Variants in ACSS3 observed in about 807,000 individuals in gnomAD.
ACSS3 encodes acyl-CoA synthetase short-chain family member 3, mitochondrial.
ACSS3 carries 64 observed loss-of-function variants against 84.2 expected under a neutral mutation model. That is an observed-to-expected ratio of 0.76 (90% CI 0.62 to 0.94). The LOEUF is 0.94. ACSS3 is among the 40% of genes least tolerant of loss of function. The probability of loss-of-function intolerance (pLI) is 0.00; values close to 1 mark genes in which losing one functional copy is unlikely to be tolerated. For synonymous variants in ACSS3, 317 were observed against 310.1 expected, an observed-to-expected ratio of 1.02 and a Z score of -0.23; for missense variants, 815 against 867.6, an observed-to-expected ratio of 0.94 and a Z score of 0.76.
intron 8 of ACSS3, among the ~76,000 whole-genome samples, chr12:81,193,594 A>C (rs1440484868): frequency 1.3e-5 from 2 of 151,524 alleles, no homozygotes; most frequent in Non-Finnish European, 3.0e-5. Flanking sequence ...TATTTTGTTT[A>C]GTTTATAGTA....
At chr12:81,211,662 T>A (rs1288426764) in intron 9 of ACSS3, among the ~76,000 whole-genome samples, 1 of 152,138 alleles carries the variant, frequency 6.6e-6, no homozygotes. Context: ...CTACTACACA[T>A]CTCTCTTGCA....
At chr12:81,109,097 A>G (rs1407237544) in intron 1 of ACSS3, among the ~76,000 whole-genome samples, 1 of 152,204 alleles carries the variant, frequency 6.6e-6, no homozygotes, top group South Asian at 2.1e-4. Flanking sequence ...AATAAAAAAT[A>G]CTTATAGCTC....
At chr12:81,152,160 C>G in intron 7 of ACSS3, 64 bp downstream of exon 7, 1 of 1,397,662 alleles carries the variant, frequency 7.2e-7, no homozygotes, top group Non-Finnish European at 9.9e-7. Flanking sequence ...TTTCATGAAG[C>G]AGTCCTGAGT....
Position 81,259,388 on chromosome 12 carries a change from G to A in ACSS3, c.*4466G>A. 1.6e-6 allele frequency: 1 copy of A among 630,054 alleles called. No individual in the cohort carries two copies. Among genetic ancestry groups the A allele is most frequent in the Non-Finnish European group, 2.9e-6 (1 of 345,022 alleles). The allele number at this position is 630,054 out of a possible 1,614,324, so 39.0% of individuals were successfully genotyped here. ...TGCCTAGTATATTACAATAAAACAT[G>A]AAAAACAACTGGCTTCATTTCATAA... On this transcript the variant is annotated 3_prime_UTR_variant, in exon 16 of 16. Transcript: ENST00000548058.
At chr12:81,127,290 C>G (rs79577888) in intron 2 of ACSS3, among the ~76,000 whole-genome samples, 1 of 151,782 alleles carries the variant, frequency 6.6e-6, no homozygotes, top group Non-Finnish European at 1.5e-5. Context: ...CTGAAAAATT[C>G]TCTTCCAAAA....
rs552037717 is a variant in ACSS3, at chr12:81,244,566, C to CT, written c.1720-8735dup. On this transcript the variant is annotated intron_variant, in intron 13 of 15. Coordinates refer to ENST00000548058, the MANE Select transcript of ACSS3 (RefSeq NM_024560.4). ...TTCTGTTTGGAGATTTCTTTTCCAT[C>CT]TTTTTTCTCTTTGATTTTTGGTTTT... Among the ~76,000 whole-genome samples, 10 of 152,072 alleles carry CT rather than the reference C, an allele frequency of 6.6e-5. No individual in the cohort carries two copies. In the East Asian group the frequency reaches 1.9e-3, roughly 29 times the overall value.
chr12:81,157,567 G>T lies in ACSS3; in HGVS notation c.1098+5471G>T, dbSNP rs547779572. Reference sequence around the variant, plus strand: ...CTCACGCCTGTAATCCCAGCACTTTGGGAGGTCAAGGCGGGCAGATCATGA... The same window carrying T: ...CTCACGCCTGTAATCCCAGCACTTTTGGAGGTCAAGGCGGGCAGATCATGA... On this transcript the variant is annotated intron_variant, in intron 7 of 15. Transcript: ENST00000548058. 2.6e-5 allele frequency among the ~76,000 whole-genome samples: 4 copies of T among 152,266 alleles called. No individual in the cohort carries two copies. The East Asian group carries it at 7.7e-4, about 29-fold the overall frequency.
chr12:81,196,777 A>T (rs1465403531), intron 8 of ACSS3, among the ~76,000 whole-genome samples: 1 of 152,054 alleles, frequency 6.6e-6, no homozygotes, highest in Non-Finnish European at 1.5e-5. Flanking sequence ...AGAGGAAGCA[A>T]GAGGGAGGAG....
intron 2 of ACSS3, among the ~76,000 whole-genome samples, chr12:81,128,402 T>C (rs751874026): frequency 1.3e-5 from 2 of 152,164 alleles, no homozygotes; most frequent in African/African-American, 2.4e-5. Flanking sequence ...TCTAAATAAA[T>C]ACATTTTTTC....
chr12:81,161,876 T>G (rs1387946513), intron 7 of ACSS3, among the ~76,000 whole-genome samples: 2 of 152,134 alleles, frequency 1.3e-5, no homozygotes, highest in African/African-American at 4.8e-5. Flanking sequence ...GTTGGGCAGC[T>G]CCAGGAGCCA....
At chr12:81,152,169 G>C in intron 7 of ACSS3, 73 bp downstream of exon 7, 2 of 1,297,934 alleles carry the variant, frequency 1.5e-6, no homozygotes. Flanking sequence ...GCAGTCCTGA[G>C]TAGGATCAGA....
At chr12:81,153,048 T>TAA (rs11459841) in intron 7 of ACSS3, among the ~76,000 whole-genome samples, 4 of 151,774 alleles carry the variant, frequency 2.6e-5, no homozygotes, top group South Asian at 2.1e-4. Flanking sequence ...ATTGAGATGA[T>TAA]AAAAAAAATC....
At chr12:81,169,799 C>CA (rs1356609743) in intron 7 of ACSS3, among the ~76,000 whole-genome samples, 4 of 152,080 alleles carry the variant, frequency 2.6e-5, no homozygotes, top group South Asian at 4.1e-4. Context: ...AGAAATTCAA[C>CA]AAATGCTATT....
At chr12:81,228,524 T>C (rs887592000) in intron 11 of ACSS3, among the ~76,000 whole-genome samples, 2 of 151,826 alleles carry the variant, frequency 1.3e-5, no homozygotes, top group Non-Finnish European at 2.9e-5. Context: ...ATTATAAGAA[T>C]ATATTCTCTC....
At chr12:81,216,054 G>A (rs118064952) in intron 9 of ACSS3, among the ~76,000 whole-genome samples, 2,299 of 152,138 alleles carry the variant, frequency 0.015, 31 homozygotes, top group Non-Finnish European at 0.017. Context: ...GCCAAATTTA[G>A]CTTTAAATGC....
rs759802379 is a variant in ACSS3 at position 81,216,995 on chromosome 12, T to C, written c.1449T>C (p.Asn483=). The C allele has an allele frequency of 3.7e-6, 6 of 1,605,238 alleles. No individual in the cohort carries two copies. The Admixed American group carries it at 6.7e-5, about 18-fold the overall frequency. Residue 483 remains asparagine, a splice_region_variant and synonymous_variant, in exon 10 of 16, where the codon AAT becomes AAC. Transcript: ENST00000548058. ...GQAGKSVPGY[N]VMILDDNMQK... Reference sequence around the variant, plus strand: ...CAGGAAAAAGCGTCCCAGGATACAATGGTAAGGAATGACCCTGATAATACG... The same window carrying C: ...CAGGAAAAAGCGTCCCAGGATACAACGGTAAGGAATGACCCTGATAATACG...
intron 1 of ACSS3, among the ~76,000 whole-genome samples, chr12:81,079,490 T>A (rs1303705759): frequency 2.0e-5 from 3 of 152,208 alleles, no homozygotes; most frequent in Non-Finnish European, 4.4e-5. Flanking sequence ...AAATCTGGAA[T>A]GGAATTGGCT....
At chr12:81,241,798 C>G (rs1357475215) in intron 13 of ACSS3, among the ~76,000 whole-genome samples, 4 of 152,070 alleles carry the variant, frequency 2.6e-5, no homozygotes, top group Non-Finnish European at 4.4e-5. Flanking sequence ...CCTGTTCACT[C>G]TGATGGTAGT....
chr12:81,125,668 T>C (rs564654725), intron 2 of ACSS3: 3 of 152,234 alleles, frequency 2.0e-5, no homozygotes, highest in African/African-American at 7.2e-5. Context: ...TTGCCACATA[T>C]GTGATGGTTA....
Sources: gnomAD v4.1 joint callset for allele counts (sites outside exome capture counted in the v4.1 genomes callset) on GRCh38, gnomAD v4.1.1 for gene constraint, MANE v1.5 for transcripts, NCBI Gene and HGNC (gene_info 2026-07-23, HGNC 2026-07-21) for gene names.